LRRC4C: variants seen among roughly 807,000 people sequenced by gnomAD.
LRRC4C encodes the protein leucine-rich repeat-containing protein 4C.
Under a neutral mutation model 33.6 loss-of-function variants are expected in LRRC4C, and 5 were observed. That is an observed-to-expected ratio of 0.15 (90% CI 0.08 to 0.31). LRRC4C has a LOEUF of 0.31. LRRC4C is among the 10% of genes least tolerant of loss of function. LRRC4C has a pLI of 1.00. For missense variants in LRRC4C, 560 were observed against 796.7 expected (o/e 0.70, Z 3.58); for synonymous variants, 329 against 302.0 (o/e 1.09, Z -0.93).
chr11:41,188,805 A>G (rs1202216250), intron 1 of LRRC4C, among the ~76,000 whole-genome samples: 2 of 151,818 alleles, frequency 1.3e-5, no homozygotes, highest in Non-Finnish European at 2.9e-5. Context: ...GGTTATCTCT[A>G]AGCTTAGCTC....
At chr11:40,468,198 T>C (rs1466314695) in intron 3 of LRRC4C, among the ~76,000 whole-genome samples, 4 of 152,214 alleles carry the variant, frequency 2.6e-5, no homozygotes, top group East Asian at 1.9e-4. Context: ...GATATGTATA[T>C]GGATTATATG....
chr11:41,065,206 G>T (rs985289701), intron 1 of LRRC4C, among the ~76,000 whole-genome samples: 1 of 142,312 alleles, frequency 7.0e-6, no homozygotes, highest in East Asian at 2.2e-4. Flanking sequence ...CCGGGAACAG[G>T]TTTGGTGAGG....
intron 2 of LRRC4C, among the ~76,000 whole-genome samples, chr11:40,804,107 A>T (rs1199144286): frequency 6.6e-6 from 1 of 152,038 alleles, no homozygotes; most frequent in Non-Finnish European, 1.5e-5. Context: ...TGAGGGAAGG[A>T]TCTTTTACTA....
At chr11:40,269,607 T>A (rs1590869640) in intron 4 of LRRC4C, among the ~76,000 whole-genome samples, 1 of 152,126 alleles carries the variant, frequency 6.6e-6, no homozygotes, top group Non-Finnish European at 1.5e-5. Flanking sequence ...GACACAAAAT[T>A]AAACTAATAA....
At chr11:40,985,855 A>G (rs60685938) in intron 1 of LRRC4C, among the ~76,000 whole-genome samples, 35,085 of 152,072 alleles carry the variant, frequency 0.23, 4,436 homozygotes, top group Middle Eastern at 0.31. Context: ...TCATTGTGTC[A>G]CTTAAATATT....
At chr11:40,962,922 T>C (rs189656195) in intron 1 of LRRC4C, among the ~76,000 whole-genome samples, 1 of 151,856 alleles carries the variant, frequency 6.6e-6, no homozygotes, top group East Asian at 1.9e-4. Flanking sequence ...GAATGCCTTA[T>C]TTGCCAAATT....
Position 40,992,894 on chromosome 11 carries a change from C to G in LRRC4C, c.-495-59171G>C, listed in dbSNP as rs191588344. ...ACCCTTTTATCCTGATCTGCCAGTA[C>G]AGACAAGAACTTTAGATAAGAAGAA... On this transcript the variant is annotated intron_variant, in intron 1 of 6. Transcript: ENST00000528697. Among the ~76,000 whole-genome samples the G allele has an allele frequency of 5.9e-3, 901 of 152,222 alleles. 10 individuals are homozygous for G. Among genetic ancestry groups the G allele is most frequent in the African/African-American group, 0.02 (842 of 41,564 alleles).
intron 2 of LRRC4C, among the ~76,000 whole-genome samples, chr11:40,845,786 C>A (rs554233516): frequency 1.3e-5 from 2 of 152,296 alleles, no homozygotes; most frequent in South Asian, 4.1e-4. Context: ...AACTAATTTA[C>A]GCTACCATCA....
intron 3 of LRRC4C, among the ~76,000 whole-genome samples, chr11:40,439,323 A>G (rs1370714746): frequency 6.6e-6 from 1 of 151,998 alleles, no homozygotes; most frequent in Non-Finnish European, 1.5e-5. Context: ...CTCAGAATGT[A>G]TGTGCTGTGG....
intron 1 of LRRC4C, among the ~76,000 whole-genome samples, chr11:41,187,184 C>T (rs1010318207): frequency 2.6e-5 from 4 of 152,138 alleles, no homozygotes; most frequent in South Asian, 4.1e-4. Flanking sequence ...TGCCCAGGGA[C>T]GAAGGTGAGG....
In LRRC4C at chr11:40,114,606, T is replaced by C; in HGVS notation, c.1687A>G (p.Thr563Ala). The stretch of plus-strand genomic sequence containing the variant: ...ACATTAATAATTTCAACAGTCCTTG[T>C]TGGGGCGTGATGGTTTTGCCGATGG... ...QHHRQNHHAPTRTVEIINVDD... is the reference protein window; with the variant it reads ...QHHRQNHHAPARTVEIINVDD... The change falls in exon 7 of 7, where the codon ACA becomes GCA. Residue 563 changes from threonine (T) to alanine (A), a missense_variant. Physicochemically the swap from Thr to Ala is moderately conservative, Grantham distance 58 (BLOSUM62 0). Coordinates refer to ENST00000528697, the MANE Select transcript of LRRC4C (RefSeq NM_001258419.2). The C allele has an allele frequency of 6.2e-7, 1 of 1,614,166 alleles. No individual in the cohort carries two copies. Among genetic ancestry groups the C allele is most frequent in the Non-Finnish European group, 8.5e-7 (1 of 1,180,014 alleles).
intron 5 of LRRC4C, among the ~76,000 whole-genome samples, chr11:40,180,915 G>A (rs772226026): frequency 6.6e-5 from 10 of 152,154 alleles, no homozygotes; most frequent in Non-Finnish European, 1.3e-4. Flanking sequence ...GAGTTGAACT[G>A]GATCAGAGAT....
intron 3 of LRRC4C, among the ~76,000 whole-genome samples, chr11:40,431,405 A>AAAT (rs1950930367): frequency 6.6e-6 from 1 of 151,458 alleles, no homozygotes; most frequent in Admixed American, 6.6e-5. Context: ...AAAAAAAAAA[A>AAAT]AAAAAAATCA....
intron 1 of LRRC4C, among the ~76,000 whole-genome samples, chr11:41,428,830 C>T (rs1471443441): frequency 6.6e-6 from 1 of 152,078 alleles, no homozygotes; most frequent in Non-Finnish European, 1.5e-5. Flanking sequence ...ATTGAGGAGA[C>T]AGATGTAATT....
intron 2 of LRRC4C, among the ~76,000 whole-genome samples, chr11:40,788,667 T>G (rs1293410589): frequency 6.6e-6 from 1 of 152,228 alleles, no homozygotes; most frequent in African/African-American, 2.4e-5. Flanking sequence ...TGGTAGCTGC[T>G]CTAACATTTT....
intron 3 of LRRC4C, among the ~76,000 whole-genome samples, chr11:40,324,760 T>G (rs1403009827): frequency 2.6e-5 from 4 of 152,128 alleles, no homozygotes; most frequent in Non-Finnish European, 4.4e-5. Flanking sequence ...TATGGAGAAA[T>G]AAACAGGGTG....
intron 3 of LRRC4C, among the ~76,000 whole-genome samples, chr11:40,338,992 G>A (rs1254277015): frequency 6.6e-6 from 1 of 152,192 alleles, no homozygotes; most frequent in Non-Finnish European, 1.5e-5. Flanking sequence ...CCTGTTTCCT[G>A]TTTCAAGATG....
intron 1 of LRRC4C, among the ~76,000 whole-genome samples, chr11:41,402,516 A>C (rs1288748689): frequency 6.6e-6 from 1 of 152,036 alleles, no homozygotes; most frequent in African/African-American, 2.4e-5. Flanking sequence ...GGGCTCTGAG[A>C]AATGTGGAAG....
At chr11:40,576,428 C>A (rs1329185282) in intron 3 of LRRC4C, among the ~76,000 whole-genome samples, 4 of 152,158 alleles carry the variant, frequency 2.6e-5, no homozygotes, top group Non-Finnish European at 5.9e-5. Flanking sequence ...TAGCCTTGTA[C>A]TTTCTCAGGT....
Sources: gnomAD v4.1 joint callset for allele counts (sites outside exome capture counted in the v4.1 genomes callset) on GRCh38, gnomAD v4.1.1 for gene constraint, MANE v1.5 for transcripts, NCBI Gene and HGNC (gene_info 2026-07-23, HGNC 2026-07-21) for gene names.